LIN9: variants seen among roughly 807,000 people sequenced by gnomAD.
The protein encoded by LIN9 is protein lin-9 homolog.
LIN9 carries 18 observed loss-of-function variants against 78.0 expected under a neutral mutation model. The ratio of observed to expected loss-of-function variants is 0.23; its 90% CI spans 0.16 to 0.34. The LOEUF is 0.34. Ranked by LOEUF, LIN9 falls within the 10% of genes least tolerant of loss-of-function variation. The pLI, the probability that LIN9 is intolerant of heterozygous loss-of-function variation, is 1.00. For missense variants in LIN9, 451 were observed against 644.1 expected (o/e 0.70, Z 3.25); for synonymous variants, 192 against 215.2 (o/e 0.89, Z 0.94).
chr1:226,248,433 T>C lies in LIN9; in HGVS notation c.1119+2406A>G, dbSNP rs144314555. 6.6e-5 allele frequency among the ~76,000 whole-genome samples: 10 copies of C among 152,342 alleles called. No individual in the cohort carries two copies. In the East Asian group the frequency reaches 1.9e-3, roughly 29 times the overall value. On this transcript the variant is annotated intron_variant, in intron 11 of 14. Transcript: ENST00000681046. ...TTACTTCTTTTTGTACCTCATATTC[T>C]ATGTGCAATTATAAAGGATATGAAA...
chr1:226,232,964 A>T, intron 14 of LIN9, 132 bp downstream of exon 14: 1 of 573,396 alleles, frequency 1.7e-6, no homozygotes. Flanking sequence ...ATATAAGTGA[A>T]AAGCTCTTAC....
intron 11 of LIN9, among the ~76,000 whole-genome samples, chr1:226,240,665 A>C (rs1174946664): frequency 6.6e-6 from 1 of 151,944 alleles, no homozygotes; most frequent in Non-Finnish European, 1.5e-5. Flanking sequence ...CTGGGATTAC[A>C]GGTGTGAGCC....
intron 10 of LIN9, among the ~76,000 whole-genome samples, chr1:226,254,115 T>G (rs1659038045): frequency 6.6e-6 from 1 of 152,010 alleles, no homozygotes; most frequent in African/African-American, 2.4e-5. Flanking sequence ...TATTTTTTTG[T>G]ACAGATGGGG....
chr1:226,240,678 C>T (rs930726072), intron 11 of LIN9, among the ~76,000 whole-genome samples: 4 of 151,894 alleles, frequency 2.6e-5, no homozygotes, highest in East Asian at 1.9e-4. Context: ...TGTGAGCCAC[C>T]GCGCCTGGCC....
At chr1:226,308,975 G>T in intron 1 of LIN9, 134 bp downstream of exon 1, 2 of 831,512 alleles carry the variant, frequency 2.4e-6, no homozygotes, top group Non-Finnish European at 3.3e-6. Context: ...GGAGTGGGAG[G>T]ACTAGGGGAC....
In LIN9 at chr1:226,303,414, G is replaced by A. The variant is rs532502513; in HGVS notation, c.32-2209C>T. Among the ~76,000 whole-genome samples the A allele has an allele frequency of 2.6e-5, 4 of 152,162 alleles. No homozygotes were observed. In the South Asian group the frequency reaches 8.3e-4, roughly 32 times the overall value. On this transcript the variant is annotated intron_variant, in intron 1 of 14. Coordinates refer to ENST00000681046, the MANE Select transcript of LIN9 (RefSeq NM_001366245.2). ...GAAGAAGAATACGCAGGGTGGGGAT[G>A]GAGGGAAGGAAAACTATTTGTATAT...
In LIN9 at chr1:226,266,193, T is replaced by C. The variant is rs1454119635; in HGVS notation, c.936+20A>G. The C allele has an allele frequency of 1.3e-6, 2 of 1,490,480 alleles. No homozygotes were observed. The highest frequency in any genetic ancestry group is 1.8e-6 in the Non-Finnish European group (2 of 1,108,438). The allele number at this position is 1,490,480 out of a possible 1,614,324, so 92.3% of individuals were successfully genotyped here. The stretch of plus-strand genomic sequence containing the variant: ...TCATAAAAATCAATTAAATTATTGA[T>C]ATTTCTAAAATATACTTACTATAAT... On this transcript the variant is annotated intron_variant, in intron 9 of 14. Coordinates refer to ENST00000681046, the MANE Select transcript of LIN9 (RefSeq NM_001366245.2).
chr1:226,251,558 C>T (rs1328103674), intron 10 of LIN9, among the ~76,000 whole-genome samples: 2 of 152,128 alleles, frequency 1.3e-5, no homozygotes, highest in African/African-American at 4.8e-5. Flanking sequence ...GACAGGGTTT[C>T]ACCATGCTGG....
intron 7 of LIN9, among the ~76,000 whole-genome samples, chr1:226,269,375 G>C (rs1404611772): frequency 2.6e-5 from 4 of 152,156 alleles, no homozygotes; most frequent in African/African-American, 9.7e-5. Context: ...GGCATGAAGA[G>C]GCTGGTAATT....
rs1276192322 is a variant in LIN9 at position 226,265,970 on chromosome 1, C to G, written c.936+243G>C. Among the ~76,000 whole-genome samples, 1 of 152,090 alleles carries G rather than the reference C, an allele frequency of 6.6e-6. No homozygotes were observed. The highest frequency in any genetic ancestry group is 1.5e-5 in the Non-Finnish European group (1 of 68,024). The stretch of plus-strand genomic sequence containing the variant: ...GGGATTACAGGCGTGAGCCACTGCG[C>G]CCGGCCAGGAAGTATCTTATTTTTA... On this transcript the variant is annotated intron_variant, in intron 9 of 14. Transcript: ENST00000681046. The surrounding 1 kb of genome is among the most constrained non-coding windows in gnomAD (Gnocchi z 4.1).
At chr1:226,258,231 T>A (rs1287337015) in intron 10 of LIN9, among the ~76,000 whole-genome samples, 1 of 151,956 alleles carries the variant, frequency 6.6e-6, no homozygotes. Context: ...CTAGTCTCAG[T>A]GGCTGACACT....
At chr1:226,247,313 A>C (rs1233968025) in intron 11 of LIN9, among the ~76,000 whole-genome samples, 2 of 151,912 alleles carry the variant, frequency 1.3e-5, no homozygotes, top group Non-Finnish European at 2.9e-5. Context: ...TCTACAGTTG[A>C]TTTTCTTTTT....
chr1:226,275,748 C>G (rs1385969131), intron 7 of LIN9, among the ~76,000 whole-genome samples: 1 of 146,864 alleles, frequency 6.8e-6, no homozygotes, highest in Non-Finnish European at 1.5e-5. Flanking sequence ...CTGGGTGCAG[C>G]GGCTCACGCC....
At chr1:226,300,981 T>A (rs1416219328) in intron 2 of LIN9, among the ~76,000 whole-genome samples, 192 bp downstream of exon 2, 3 of 152,242 alleles carry the variant, frequency 2.0e-5, no homozygotes, top group Non-Finnish European at 2.9e-5. Context: ...TAGAAATTTT[T>A]AAAAATAATT....
chr1:226,249,261 G>C (rs1256924138), intron 11 of LIN9, among the ~76,000 whole-genome samples: 1 of 152,222 alleles, frequency 6.6e-6, no homozygotes, highest in Non-Finnish European at 1.5e-5. Context: ...CCAAGAATTA[G>C]AGTCCAGTAG....
chr1:226,265,486 CA>C lies in LIN9; in HGVS notation c.1038+46del, dbSNP rs766822463. 7.1e-5 allele frequency: 84 copies of C among 1,175,646 alleles called. No individual in the cohort carries two copies. The highest frequency in any genetic ancestry group is 8.8e-5 in the Non-Finnish European group (70 of 792,946). 72.8% of individuals were successfully genotyped at this position (1,175,646 alleles called of 1,614,324 possible). On this transcript the variant is annotated intron_variant, in intron 10 of 14. Coordinates refer to ENST00000681046, the MANE Select transcript of LIN9 (RefSeq NM_001366245.2). The surrounding 1 kb of genome is among the most constrained non-coding windows in gnomAD (Gnocchi z 4.1). ...TTTTCAACTTTAATAACATAAAAGG[CA>C]TTGAGTTTTTAAACAAACAGCCAAG...
chr1:226,295,630 T>G (rs1662102400), intron 4 of LIN9, among the ~76,000 whole-genome samples: 1 of 152,162 alleles, frequency 6.6e-6, no homozygotes. Context: ...CTTAAAAGTG[T>G]GCATTTGTAG....
At chr1:226,251,605 G>T (rs1363317634) in intron 10 of LIN9, among the ~76,000 whole-genome samples, 1 of 152,096 alleles carries the variant, frequency 6.6e-6, no homozygotes, top group South Asian at 2.1e-4. Flanking sequence ...CAAGTGATCT[G>T]CCCATCTTGG....
intron 11 of LIN9, among the ~76,000 whole-genome samples, chr1:226,247,103 C>CT (rs1390941501): frequency 6.6e-6 from 1 of 152,012 alleles, no homozygotes; most frequent in Non-Finnish European, 1.5e-5. Flanking sequence ...TACTAGCTCT[C>CT]TCTTTAGCTG....
Sources: allele counts gnomAD v4.1 joint callset (sites outside exome capture counted in the v4.1 genomes callset), GRCh38; gene constraint gnomAD v4.1.1; non-coding constraint Gnocchi (gnomAD v3.1); transcripts MANE v1.5; gene names NCBI Gene and HGNC (gene_info 2026-07-23, HGNC 2026-07-21).